The following PTPRD variants were observed in gnomAD, a reference collection of about 807,000 sequenced individuals.
PTPRD encodes the protein receptor-type tyrosine-protein phosphatase delta.
A neutral mutation model predicts 214.5 loss-of-function variants in PTPRD; 34 were observed. The ratio of observed to expected loss-of-function variants is 0.16; its 90% CI spans 0.12 to 0.21. The LOEUF (loss-of-function observed/expected upper bound fraction) is 0.21. PTPRD is among the 10% of genes least tolerant of loss of function. The probability of loss-of-function intolerance (pLI) is 1.00; values close to 1 mark genes in which losing one functional copy is unlikely to be tolerated. For missense variants in PTPRD, 2,545 were observed against 2,398.7 expected (o/e 1.06, Z -1.27); for synonymous variants, 1,128 against 845.7 (o/e 1.33, Z -5.79).
chr9:8,338,787 A>AG, intron 43 of PTPRD, 135 bp downstream of exon 43: 1 of 775,250 alleles, frequency 1.3e-6, no homozygotes, highest in Non-Finnish European at 1.9e-6. Flanking sequence ...ATAAAAAAAA[A>AG]CGTTCTCCAG....
rs1210865577 is a variant in PTPRD at position 9,955,534 on chromosome 9, T to TG, written c.-471-16925_-471-16924insC. Among the ~76,000 whole-genome samples the TG allele has an allele frequency of 3.5e-3, 476 of 135,488 alleles. 8 individuals are homozygous for TG. In the South Asian group the frequency reaches 0.052, roughly 15 times the overall value. 88.9% of individuals were successfully genotyped at this position (135,488 alleles called of 152,430 possible). On this transcript the variant is annotated intron_variant, in intron 4 of 45. Transcript: ENST00000381196. ...TTGTTTTGTTTTGTTTTGTTTTTTT[T>TG]TTTTTTTGAGACAGAGTCTCGCTCT...
intron 5 of PTPRD, among the ~76,000 whole-genome samples, chr9:9,911,678 C>T (rs1601843817): frequency 6.6e-6 from 1 of 151,950 alleles, no homozygotes; most frequent in Admixed American, 6.6e-5. Context: ...ACTTTCATAA[C>T]ATTCAAAATG....
rs182093073 is a variant in PTPRD, at chr9:9,599,976, G to A, written c.-286-25195C>T. Reference sequence around the variant, plus strand: ...ATTGTTACCATCTCAATTGTCCCCAGAGTATTCCCCTTGCTCTATGGGCTT... The same window carrying A: ...ATTGTTACCATCTCAATTGTCCCCAAAGTATTCCCCTTGCTCTATGGGCTT... On this transcript the variant is annotated intron_variant, in intron 7 of 45. Transcript: ENST00000381196. Among the ~76,000 whole-genome samples the A allele has an allele frequency of 1.1e-3, 166 of 152,100 alleles. 4 individuals carry two copies. The highest frequency in any genetic ancestry group is 1.0e-2 in the Admixed American group (152 of 15,232).
chr9:9,201,012 G>C (rs750940351), intron 9 of PTPRD, among the ~76,000 whole-genome samples: 3 of 152,160 alleles, frequency 2.0e-5, no homozygotes, highest in Non-Finnish European at 2.9e-5. Flanking sequence ...TTTTACTGAA[G>C]GGTTAGAATA....
chr9:9,238,222 T>A (rs2099968226), intron 9 of PTPRD, among the ~76,000 whole-genome samples: 1 of 151,982 alleles, frequency 6.6e-6, no homozygotes, highest in South Asian at 2.1e-4. Context: ...TTCTCTCAGG[T>A]CTGAAGCTCT....
At chr9:8,532,344 GC>G (rs1257700807) in intron 14 of PTPRD, among the ~76,000 whole-genome samples, 1 of 151,974 alleles carries the variant, frequency 6.6e-6, no homozygotes, top group East Asian at 1.9e-4. Context: ...GACGTTAATT[GC>G]TTTTTTCTTC....
chr9:9,910,701 A>G (rs1057216802), intron 5 of PTPRD, among the ~76,000 whole-genome samples: 1 of 151,924 alleles, frequency 6.6e-6, no homozygotes, highest in Non-Finnish European at 1.5e-5. Flanking sequence ...TCATTTTCTT[A>G]TTAATTACCA....
chr9:8,821,615 G>C (rs988366660), intron 11 of PTPRD, among the ~76,000 whole-genome samples: 3 of 152,092 alleles, frequency 2.0e-5, no homozygotes, highest in African/African-American at 7.2e-5. Flanking sequence ...AACTGGCCTG[G>C]CTCTTGACTG....
At chr9:10,550,917 T>C (rs1206448122) in intron 2 of PTPRD, among the ~76,000 whole-genome samples, 11 of 152,194 alleles carry the variant, frequency 7.2e-5, no homozygotes, top group Non-Finnish European at 1.5e-4. Flanking sequence ...CCTTATTCAC[T>C]TCGGTATTAA....
At chr9:9,895,392 C>T (rs540823779) in intron 5 of PTPRD, among the ~76,000 whole-genome samples, 5 of 151,952 alleles carry the variant, frequency 3.3e-5, no homozygotes, top group African/African-American at 1.2e-4. Context: ...GAGCCTGAGA[C>T]CTTATATGTA....
chr9:8,554,944 G>C (rs574460230), intron 14 of PTPRD, among the ~76,000 whole-genome samples: 1 of 152,018 alleles, frequency 6.6e-6, no homozygotes, highest in African/African-American at 2.4e-5. Flanking sequence ...GTACTTATGA[G>C]TATATATGAC....
intron 31 of PTPRD, 59 bp from the exon 32 acceptor site, chr9:8,465,734 T>C (rs2096532404): frequency 7.0e-6 from 10 of 1,426,284 alleles, no homozygotes; most frequent in Middle Eastern, 3.9e-4. Context: ...AGCTTATTGA[T>C]AATTTAATGA....
At chr9:9,095,102 C>T (rs2099781615) in intron 10 of PTPRD, among the ~76,000 whole-genome samples, 1 of 152,138 alleles carries the variant, frequency 6.6e-6, no homozygotes, top group African/African-American at 2.4e-5. Flanking sequence ...AACATGCTTG[C>T]TAATAGGTGG....
chr9:10,502,747 T>C (rs1264265447), intron 2 of PTPRD, among the ~76,000 whole-genome samples: 1 of 152,122 alleles, frequency 6.6e-6, no homozygotes, highest in Non-Finnish European at 1.5e-5. Context: ...CTGTTGCATG[T>C]AGTTATCTAG....
In PTPRD at chr9:9,256,153, T is replaced by C. The variant is rs763722365; in HGVS notation, c.-202-72790A>G. Reference sequence around the variant, plus strand: ...AACTTGTATAGAGTGGCCTTAGAAATGAATGACAGAGCCAAGACTAAATCC... The same window carrying C: ...AACTTGTATAGAGTGGCCTTAGAAACGAATGACAGAGCCAAGACTAAATCC... On this transcript the variant is annotated intron_variant, in intron 9 of 45. Transcript: ENST00000381196. Among the ~76,000 whole-genome samples the C allele has an allele frequency of 5.1e-4, 78 of 151,924 alleles. 1 individual carries two copies. The highest frequency in any genetic ancestry group is 3.3e-4 in the Admixed American group (5 of 15,206).
intron 9 of PTPRD, among the ~76,000 whole-genome samples, chr9:9,380,657 C>A (rs1052341254): frequency 2.6e-5 from 4 of 151,928 alleles, no homozygotes; most frequent in Non-Finnish European, 5.9e-5. Flanking sequence ...TTTTTTTTGC[C>A]ATTGTTGGAT....
At chr9:8,925,453 C>A (rs2098870929) in intron 11 of PTPRD, among the ~76,000 whole-genome samples, 1 of 151,924 alleles carries the variant, frequency 6.6e-6, no homozygotes, top group African/African-American at 2.4e-5. Flanking sequence ...ACATAAGACA[C>A]AGCTGTGTTT....
chr9:10,496,401 T>G (rs2042043655), intron 2 of PTPRD, among the ~76,000 whole-genome samples: 2 of 150,608 alleles, frequency 1.3e-5, no homozygotes, highest in Non-Finnish European at 1.5e-5. Flanking sequence ...TTAAATTTAT[T>G]AAATCATTTA....
At chr9:10,253,768 T>C (rs1258363591) in intron 3 of PTPRD, among the ~76,000 whole-genome samples, 2 of 152,174 alleles carry the variant, frequency 1.3e-5, no homozygotes, top group African/African-American at 4.8e-5. Flanking sequence ...TATAGAGCTA[T>C]ATGTATATTG....
Sources: allele counts gnomAD v4.1 joint callset (sites outside exome capture counted in the v4.1 genomes callset), GRCh38; gene constraint gnomAD v4.1.1; transcripts MANE v1.5; gene names NCBI Gene and HGNC (gene_info 2026-07-23, HGNC 2026-07-21).